The following CAB39L variants were observed in gnomAD, a reference collection of about 807,000 sequenced individuals.
CAB39L encodes calcium-binding protein 39-like.
CAB39L carries 23 observed loss-of-function variants against 39.1 expected under a neutral mutation model. The observed-to-expected ratio is 0.59, with a 90% CI of 0.42 to 0.83. The LOEUF (loss-of-function observed/expected upper bound fraction) is 0.83, where lower values mean the gene tolerates loss of function less well. Among genes scored for constraint, CAB39L ranks in the 40% least tolerant of loss-of-function variants. CAB39L has a pLI of 0.00. For synonymous variants in CAB39L, 126 were observed against 137.2 expected, an observed-to-expected ratio of 0.92 and a Z score of 0.57; for missense variants, 366 against 391.9, an observed-to-expected ratio of 0.93 and a Z score of 0.56.
At chr13:49,438,912 A>G (rs890574070) in intron 1 of CAB39L, among the ~76,000 whole-genome samples, 3 of 152,182 alleles carry the variant, frequency 2.0e-5, no homozygotes, top group South Asian at 2.1e-4. Flanking sequence ...TAGTAAAATA[A>G]GGAACATAAA....
At chr13:49,346,302 T>C (rs1299324397) in intron 7 of CAB39L, among the ~76,000 whole-genome samples, 1 of 131,614 alleles carries the variant, frequency 7.6e-6, no homozygotes, top group African/African-American at 2.8e-5. Context: ...TAGACAAATA[T>C]AATTGCTGCA....
At chr13:49,335,901 A>G (rs551726491) in intron 9 of CAB39L, among the ~76,000 whole-genome samples, 1 of 152,340 alleles carries the variant, frequency 6.6e-6, no homozygotes, top group East Asian at 1.9e-4. Flanking sequence ...TTGGAATCAG[A>G]AAATAGCCTA....
chr13:49,387,047 C>A (rs1166380120), intron 3 of CAB39L, among the ~76,000 whole-genome samples: 1 of 152,196 alleles, frequency 6.6e-6, no homozygotes, highest in African/African-American at 2.4e-5. Context: ...CACGTAAACT[C>A]CCTCTAGTTG....
chr13:49,437,582 C>A lies in CAB39L; in HGVS notation c.-245-3359G>T, dbSNP rs550355844. On this transcript the variant is annotated intron_variant, in intron 1 of 10. Transcript: ENST00000409308. The stretch of plus-strand genomic sequence containing the variant: ...TGTATTCTGCTACCCCTAGGTCCTG[C>A]AACCTCTCCTCTTTTTTTACAGTCT... Among the ~76,000 whole-genome samples the A allele has an allele frequency of 6.6e-5, 10 of 152,284 alleles. 1 individual carries two copies. In the South Asian group the frequency reaches 2.1e-3, roughly 32 times the overall value.
chr13:49,425,920 A>G (rs1957237936), intron 3 of CAB39L, among the ~76,000 whole-genome samples: 1 of 152,174 alleles, frequency 6.6e-6, no homozygotes, highest in African/African-American at 2.4e-5. Context: ...TCTGCTAAGC[A>G]GTTTTCTCAT....
intron 6 of CAB39L, among the ~76,000 whole-genome samples, chr13:49,352,663 C>T (rs567174104): frequency 6.6e-5 from 10 of 152,124 alleles, no homozygotes; most frequent in South Asian, 2.1e-4. Flanking sequence ...TGGTGGCACA[C>T]GCCTGTAGTC....
rs1158088540 is a variant in CAB39L, at chr13:49,433,391, C to T, written c.-105G>A. The T allele has an allele frequency of 6.6e-6, 3 of 451,308 alleles. No homozygotes were observed. The highest frequency in any genetic ancestry group is 8.9e-6 in the Non-Finnish European group (2 of 225,768). 28.0% of individuals were successfully genotyped at this position (451,308 alleles called of 1,614,324 possible). On this transcript the variant is annotated splice_region_variant and 5_prime_UTR_variant, in exon 3 of 11. Coordinates refer to ENST00000409308, the MANE Select transcript of CAB39L (RefSeq NM_001079670.3). ...TCACCAAAGTCACTGATCACCACAG[C>T]TTCTGACAAAAAGAAAAGCTTTAAA...
At chr13:49,317,094 C>T (rs1954179235) in intron 10 of CAB39L, among the ~76,000 whole-genome samples, 1 of 152,070 alleles carries the variant, frequency 6.6e-6, no homozygotes, top group Non-Finnish European at 1.5e-5. Context: ...TTAAGCCATT[C>T]TGTCTGTGGT....
chr13:49,363,309 TA>T (rs1311042381), intron 5 of CAB39L, among the ~76,000 whole-genome samples: 1 of 152,024 alleles, frequency 6.6e-6, no homozygotes, highest in Non-Finnish European at 1.5e-5. Flanking sequence ...AACAGTACAA[TA>T]AGACATAAAG....
intron 5 of CAB39L, among the ~76,000 whole-genome samples, chr13:49,368,335 G>A (rs777141552): frequency 9.9e-5 from 15 of 152,198 alleles, no homozygotes; most frequent in Non-Finnish European, 1.2e-4. Flanking sequence ...TCCCAAAACA[G>A]AGGAAAGGAT....
At chr13:49,313,445 C>T (rs2138324013) in intron 10 of CAB39L, among the ~76,000 whole-genome samples, 1 of 150,650 alleles carries the variant, frequency 6.6e-6, no homozygotes, top group East Asian at 1.9e-4. Context: ...CGCGCCACTG[C>T]ACTCTAGCCT....
rs555421376 is a variant in CAB39L at position 49,419,595 on chromosome 13, G to A, written c.-32+13723C>T. Among the ~76,000 whole-genome samples the A allele has an allele frequency of 1.7e-4, 26 of 152,190 alleles. 1 individual carries two copies. The highest frequency in any genetic ancestry group is 5.8e-4 in the African/African-American group (24 of 41,540). ...GAAACCCTGTCTCAAAAAATAGGAA[G>A]AAGAAGAAATGAAATTCAAAATGTA... On this transcript the variant is annotated intron_variant, in intron 3 of 10. Coordinates refer to ENST00000409308, the MANE Select transcript of CAB39L (RefSeq NM_001079670.3).
chr13:49,373,994 C>T (rs138762489), intron 5 of CAB39L, among the ~76,000 whole-genome samples: 4 of 152,326 alleles, frequency 2.6e-5, no homozygotes, highest in Admixed American at 6.5e-5. Flanking sequence ...GCTAGGAATG[C>T]TGGCTGCCTC....
intron 5 of CAB39L, among the ~76,000 whole-genome samples, chr13:49,360,135 T>C (rs1439547704): frequency 1.3e-5 from 2 of 152,186 alleles, no homozygotes; most frequent in East Asian, 1.9e-4. Context: ...CTGAATTCTT[T>C]GTTTTTTCAC....
chr13:49,390,012 G>A (rs973316442), intron 3 of CAB39L, among the ~76,000 whole-genome samples: 6 of 151,948 alleles, frequency 3.9e-5, no homozygotes, highest in African/African-American at 1.2e-4. Flanking sequence ...TAGTAGAGAC[G>A]GGGTTTGCCA....
intron 3 of CAB39L, among the ~76,000 whole-genome samples, chr13:49,398,405 C>T (rs1024482188): frequency 7.9e-5 from 12 of 151,952 alleles, no homozygotes; most frequent in South Asian, 4.1e-4. Context: ...AGCCACATTA[C>T]GAATATATAT....
At chr13:49,321,268 A>G (rs1954330968) in intron 10 of CAB39L, among the ~76,000 whole-genome samples, 1 of 152,220 alleles carries the variant, frequency 6.6e-6, no homozygotes, top group African/African-American at 2.4e-5. Flanking sequence ...CTGGGCTTGC[A>G]TTCTGTACAT....
chr13:49,337,945 T>C (rs1954893414), intron 9 of CAB39L, among the ~76,000 whole-genome samples: 1 of 152,236 alleles, frequency 6.6e-6, no homozygotes, highest in East Asian at 1.9e-4. Context: ...GTCTGGAGAA[T>C]GAGCACATAA....
At chr13:49,439,923 T>G (rs1957480264) in intron 1 of CAB39L, among the ~76,000 whole-genome samples, 1 of 132,666 alleles carries the variant, frequency 7.5e-6, no homozygotes, top group Non-Finnish European at 1.6e-5. Flanking sequence ...TTTAATGGGT[T>G]TTTTTTTTTT....
Sources: gnomAD v4.1 joint callset for allele counts (sites outside exome capture counted in the v4.1 genomes callset) on GRCh38, gnomAD v4.1.1 for gene constraint, MANE v1.5 for transcripts, NCBI Gene and HGNC (gene_info 2026-07-23, HGNC 2026-07-21) for gene names.